IQCH: variants seen among roughly 807,000 people sequenced by gnomAD.
IQCH encodes IQ domain-containing protein H.
Under a neutral mutation model 117.0 loss-of-function variants are expected in IQCH, and 98 were observed. The observed-to-expected ratio is 0.84, with a 90% confidence interval of 0.71 to 0.99. The LOEUF is 0.99. Ranked by LOEUF, IQCH falls within the 50% of genes least tolerant of loss-of-function variation. The pLI is 0.00. For missense variants in IQCH, 1,102 were observed against 1,243.8 expected (o/e 0.89, Z 1.72); for synonymous variants, 412 against 448.2 (o/e 0.92, Z 1.02).
chr15:67,489,060 G>GTC (rs1250394185), intron 18 of IQCH, among the ~76,000 whole-genome samples: 1 of 149,980 alleles, frequency 6.7e-6, no homozygotes, highest in Non-Finnish European at 1.5e-5. Context: ...TTTAGACGGA[G>GTC]TCTCGCTCTG....
intron 4 of IQCH, chr15:67,307,078 G>A: frequency 7.9e-7 from 1 of 1,273,430 alleles, no homozygotes; most frequent in Admixed American, 3.9e-5. Context: ...GCTTTGAATT[G>A]CTGCACAAAT....
chr15:67,382,943 G>C (rs1244101295), intron 10 of IQCH, among the ~76,000 whole-genome samples: 1 of 152,174 alleles, frequency 6.6e-6, no homozygotes, highest in African/African-American at 2.4e-5. Flanking sequence ...TACCAGCATA[G>C]ATGAAATCTT....
At chr15:67,341,471 A>C (rs931661789) in intron 5 of IQCH, among the ~76,000 whole-genome samples, 2 of 152,212 alleles carry the variant, frequency 1.3e-5, no homozygotes, top group Non-Finnish European at 2.9e-5. Flanking sequence ...ACTAAAAAGA[A>C]AAACAAATTA....
rs1567130229 is a variant in IQCH at position 67,365,582 on chromosome 15, A to G, written c.753+5697A>G. Among the ~76,000 whole-genome samples, 1 of 152,306 alleles carries G rather than the reference A, an allele frequency of 6.6e-6. No homozygotes were observed. Among genetic ancestry groups the G allele is most frequent in the South Asian group, 2.1e-4 (1 of 4,822 alleles). On this transcript the variant is annotated intron_variant, in intron 8 of 20. Transcript: ENST00000335894. The surrounding 1 kb of genome is among the most constrained non-coding windows in gnomAD (Gnocchi z 4.4). ...GAGAGGCAATAATCAGATATTTAAT[A>G]TAATATCAAAGAGTGAGATAAGTGC...
In IQCH at chr15:67,479,791, C is replaced by T. The variant is rs1196724893; in HGVS notation, c.2799+3973C>T. 6.6e-6 allele frequency among the ~76,000 whole-genome samples: 1 copy of T among 152,132 alleles called. No individual in the cohort carries two copies. The highest frequency in any genetic ancestry group is 1.5e-5 in the Non-Finnish European group (1 of 68,034). ...TGTCAGTGCTACCAAAAGAAGAATCCTCAAAAGTCCTTATTCTCAGCACTG... is the reference window on the plus strand; with the variant it reads ...TGTCAGTGCTACCAAAAGAAGAATCTTCAAAAGTCCTTATTCTCAGCACTG... On this transcript the variant is annotated intron_variant, in intron 18 of 20. Transcript: ENST00000335894. The surrounding 1 kb of genome is among the most constrained non-coding windows in gnomAD (Gnocchi z 4.6).
intron 16 of IQCH, among the ~76,000 whole-genome samples, chr15:67,438,553 C>T (rs372158488): frequency 2.0e-5 from 3 of 152,166 alleles, no homozygotes; most frequent in African/African-American, 7.2e-5. Context: ...TGAAACAGTA[C>T]CTCATATTTC....
chr15:67,339,809 A>G (rs1969060502), intron 5 of IQCH, among the ~76,000 whole-genome samples: 1 of 152,176 alleles, frequency 6.6e-6, no homozygotes, highest in Non-Finnish European at 1.5e-5. Flanking sequence ...TTCATTTACC[A>G]TATAAGCCAC....
chr15:67,417,600 G>A lies in IQCH; in HGVS notation c.2218+549G>A, dbSNP rs1314856648. 6.6e-6 allele frequency among the ~76,000 whole-genome samples: 1 copy of A among 152,108 alleles called. No homozygotes were observed. Among genetic ancestry groups the A allele is most frequent in the Admixed American group, 6.5e-5 (1 of 15,280 alleles). ...GTTTTCTACAATCCAGGAACAAAGC[G>A]AGCCTCCATTCCTTTCATCCTCCTC... On this transcript the variant is annotated intron_variant, in intron 15 of 20. Transcript: ENST00000335894. This position sits in a 1 kb window ranked among gnomAD's most constrained non-coding sequence, Gnocchi z 4.3.
chr15:67,447,379 A>G lies in IQCH; in HGVS notation c.2506-17748A>G, dbSNP rs1057173803. Among the ~76,000 whole-genome samples the G allele has an allele frequency of 2.0e-5, 3 of 152,172 alleles. No individual in the cohort carries two copies. Among genetic ancestry groups the G allele is most frequent in the South Asian group, 4.1e-4 (2 of 4,826 alleles). ...TCCTATTAGCCTGACAGGGTGCTGA[A>G]TCTTTCCTACAAACACGAGTCTGTA... On this transcript the variant is annotated intron_variant, in intron 16 of 20. Coordinates refer to ENST00000335894, the MANE Select transcript of IQCH (RefSeq NM_001031715.3). This position sits in a 1 kb window ranked among gnomAD's most constrained non-coding sequence, Gnocchi z 5.3.
rs1302119146 is a variant in IQCH, at chr15:67,345,630, C to T, written c.637+1439C>T. On this transcript the variant is annotated intron_variant, in intron 6 of 20. Transcript: ENST00000335894. Reference sequence around the variant, plus strand: ...ACAAACCCAAATTTCAGGCATTCTACAAAATACCTGACCATACTCCTCAAT... The same window carrying T: ...ACAAACCCAAATTTCAGGCATTCTATAAAATACCTGACCATACTCCTCAAT... Among the ~76,000 whole-genome samples the T allele has an allele frequency of 3.3e-5, 5 of 152,206 alleles. No individual in the cohort carries two copies. The South Asian group carries it at 1.0e-3, about 32-fold the overall frequency.
intron 16 of IQCH, among the ~76,000 whole-genome samples, chr15:67,442,873 T>G (rs12916380): frequency 8.3e-6 from 1 of 120,306 alleles, no homozygotes; most frequent in African/African-American, 2.9e-5. Flanking sequence ...GATATACATA[T>G]ATATATATAT....
At chr15:67,415,408 G>A (rs994742804) in intron 14 of IQCH, among the ~76,000 whole-genome samples, 1 of 152,086 alleles carries the variant, frequency 6.6e-6, no homozygotes, top group South Asian at 2.1e-4. Flanking sequence ...GGCACTCTCC[G>A]CTTCTCAGGG....
intron 17 of IQCH, among the ~76,000 whole-genome samples, chr15:67,469,225 T>A (rs2083010711): frequency 6.6e-6 from 1 of 152,156 alleles, no homozygotes; most frequent in Non-Finnish European, 1.5e-5. Flanking sequence ...AGTACTGGTC[T>A]GGGAGTTAGG....
intron 15 of IQCH, among the ~76,000 whole-genome samples, chr15:67,419,509 A>T (rs1175494234): frequency 6.6e-6 from 1 of 152,038 alleles, no homozygotes; most frequent in East Asian, 1.9e-4. Flanking sequence ...CTAGGGTTTG[A>T]TTTCTAAATT....
chr15:67,324,609 T>TAA (rs35173773), intron 4 of IQCH, among the ~76,000 whole-genome samples: 3,214 of 119,118 alleles, frequency 0.027, 78 homozygotes, highest in Middle Eastern at 0.088. Flanking sequence ...AGACTCTGTC[T>TAA]AAAAAAAAAA....
intron 2 of IQCH, 127 bp from the exon 3 acceptor site, chr15:67,262,995 G>A (rs998340609): frequency 3.0e-6 from 2 of 660,486 alleles, no homozygotes; most frequent in South Asian, 1.7e-5. Flanking sequence ...CCTTAGGCAC[G>A]TAATAATACA....
rs2140746129 is a variant in IQCH, at chr15:67,359,755, G to A, written c.715-92G>A. 1 of 1,106,098 alleles carries A rather than the reference G, an allele frequency of 9.0e-7. No individual in the cohort carries two copies. The highest frequency in any genetic ancestry group is 1.4e-6 in the Non-Finnish European group (1 of 718,820). 68.5% of individuals were successfully genotyped at this position (1,106,098 alleles called of 1,614,324 possible). A position where few individuals can be genotyped will look rare whatever the true frequency, so the allele number is the denominator to read the frequency against. On this transcript the variant is annotated intron_variant, in intron 7 of 20. Coordinates refer to ENST00000335894, the MANE Select transcript of IQCH (RefSeq NM_001031715.3). This position sits in a 1 kb window ranked among gnomAD's most constrained non-coding sequence, Gnocchi z 4.5. ...AGGCTGGCCCAGCGGGTAAAATGGG[G>A]AAGGGGGTGAGGCTCTGAGCCTTCT...
Position 67,465,851 on chromosome 15 carries a change from C to T in IQCH, c.2676+554C>T, listed in dbSNP as rs1271369736. Among the ~76,000 whole-genome samples the T allele has an allele frequency of 1.3e-5, 2 of 152,214 alleles. No homozygotes were observed. Among genetic ancestry groups the T allele is most frequent in the Admixed American group, 1.3e-4 (2 of 15,284 alleles). On this transcript the variant is annotated intron_variant, in intron 17 of 20. Transcript: ENST00000335894. The surrounding 1 kb of genome is among the most constrained non-coding windows in gnomAD (Gnocchi z 5.9). ...AAATGCCACTAACCTGACCCCTCCT[C>T]TCTCTCCACAAAGATAGTGTCTTAG...
intron 4 of IQCH, among the ~76,000 whole-genome samples, chr15:67,280,117 G>C (rs1489885829): frequency 6.6e-6 from 1 of 152,164 alleles, no homozygotes; most frequent in Non-Finnish European, 1.5e-5. Flanking sequence ...TGTGTTCTAA[G>C]TTAGAAAACA....
Sources: allele counts gnomAD v4.1 joint callset (sites outside exome capture counted in the v4.1 genomes callset), GRCh38; gene constraint gnomAD v4.1.1; non-coding constraint Gnocchi (gnomAD v3.1); transcripts MANE v1.5; gene names NCBI Gene and HGNC (gene_info 2026-07-23, HGNC 2026-07-21).